The following TBC1D5 variants were observed in gnomAD, a reference collection of about 807,000 sequenced individuals.
TBC1D5 encodes TBC1 domain family member 5, also known as TBC1 domain family, member 5.
Under a neutral mutation model 100.3 loss-of-function variants are expected in TBC1D5, and 75 were observed. That is an observed-to-expected ratio of 0.75 (90% CI 0.62 to 0.91). TBC1D5 has a LOEUF of 0.91. TBC1D5 is among the 40% of genes least tolerant of loss of function. The pLI is 0.00. For synonymous variants in TBC1D5, 323 were observed against 325.6 expected, an observed-to-expected ratio of 0.99 and a Z score of 0.09; for missense variants, 910 against 942.4, an observed-to-expected ratio of 0.97 and a Z score of 0.45.
chr3:17,267,658 A>AC (rs1481792853), intron 15 of TBC1D5, among the ~76,000 whole-genome samples: 5 of 152,088 alleles, frequency 3.3e-5, no homozygotes, highest in African/African-American at 1.2e-4. Flanking sequence ...GAATTTTTGA[A>AC]CCCCCAAGAA....
At chr3:17,424,801 C>A (rs914328858) in intron 4 of TBC1D5, among the ~76,000 whole-genome samples, 4 of 152,040 alleles carry the variant, frequency 2.6e-5, no homozygotes, top group African/African-American at 9.7e-5. Context: ...AAAAAAAAGT[C>A]TATGAGTATT....
intron 13 of TBC1D5, among the ~76,000 whole-genome samples, chr3:17,337,123 GTTTTTT>G (rs11328091): frequency 1.7e-5 from 2 of 116,152 alleles, no homozygotes; most frequent in African/African-American, 3.5e-5. Context: ...TATCTGAGAG[GTTTTTT>G]TTTTTTTTTT....
intron 2 of TBC1D5, among the ~76,000 whole-genome samples, chr3:17,603,627 C>T (rs1419573389): frequency 2.0e-5 from 3 of 152,038 alleles, no homozygotes; most frequent in Non-Finnish European, 2.9e-5. Context: ...ACCAGCAGCC[C>T]CCAGAATCAA....
intron 2 of TBC1D5, among the ~76,000 whole-genome samples, chr3:17,528,707 T>C (rs2096175001): frequency 6.6e-6 from 1 of 152,080 alleles, no homozygotes; most frequent in African/African-American, 2.4e-5. Context: ...TAATATATAC[T>C]CTAGTAAGCA....
At chr3:17,715,337 A>C (rs1314218529) in intron 1 of TBC1D5, among the ~76,000 whole-genome samples, 11 of 152,170 alleles carry the variant, frequency 7.2e-5, no homozygotes, top group Non-Finnish European at 1.5e-5. Context: ...TTTAGAGAGC[A>C]AGGTCTGTGA....
chr3:17,214,285 A>C (rs1253817940), exon 18 of TBC1D5: 2 of 1,613,624 alleles, frequency 1.2e-6, no homozygotes, highest in South Asian at 2.2e-5. Flanking sequence ...TTTTAGTAGC[A>C]GATGAAGGTG....
chr3:17,695,208 G>T (rs11712168), intron 1 of TBC1D5, among the ~76,000 whole-genome samples: 7 of 151,910 alleles, frequency 4.6e-5, no homozygotes, highest in Non-Finnish European at 8.8e-5. Flanking sequence ...AAATAACCAG[G>T]GAACATCATA....
chr3:17,174,279 A>T (rs1468589410), intron 19 of TBC1D5, among the ~76,000 whole-genome samples: 13 of 151,930 alleles, frequency 8.6e-5, no homozygotes, highest in East Asian at 3.9e-4. Flanking sequence ...ACCTGGCACC[A>T]AAGGTGCCAG....
intron 2 of TBC1D5, chr3:17,575,180 T>C (rs921326468): frequency 1.3e-5 from 2 of 151,848 alleles, no homozygotes; most frequent in African/African-American, 4.8e-5. Context: ...TTTTTTTAAT[T>C]AGATGGGCAT....
intron 13 of TBC1D5, among the ~76,000 whole-genome samples, chr3:17,313,968 T>A (rs1029508126): frequency 6.6e-5 from 10 of 152,198 alleles, no homozygotes; most frequent in African/African-American, 2.4e-4. Context: ...TCCGGGGTTA[T>A]CACTGGCCCT....
intron 19 of TBC1D5, 144 bp from the exon 21 acceptor site, chr3:17,167,972 G>T: frequency 3.2e-6 from 2 of 634,010 alleles, no homozygotes; most frequent in Non-Finnish European, 5.6e-6. Flanking sequence ...GCAAACTGCG[G>T]ATGGGGAAGC....
At chr3:17,271,710 T>C (rs1174742417) in intron 15 of TBC1D5, among the ~76,000 whole-genome samples, 1 of 152,186 alleles carries the variant, frequency 6.6e-6, no homozygotes, top group Non-Finnish European at 1.5e-5. Flanking sequence ...CTTCTAGCTT[T>C]TGCCTGTTCA....
At chr3:17,337,375 G>A (rs1379281629) in intron 13 of TBC1D5, 1 of 152,130 alleles carries the variant, frequency 6.6e-6, no homozygotes, top group African/African-American at 2.4e-5. Flanking sequence ...TGGACTAAAA[G>A]AAACTCTGTT....
intron 18 of TBC1D5, among the ~76,000 whole-genome samples, chr3:17,199,256 C>T (rs2071139569): frequency 6.6e-6 from 1 of 152,176 alleles, no homozygotes; most frequent in South Asian, 2.1e-4. Flanking sequence ...TGATTATAGA[C>T]ATTAAGAAAA....
At chr3:17,731,483 C>A (rs970961666) in intron 1 of TBC1D5, among the ~76,000 whole-genome samples, 3 of 126,914 alleles carry the variant, frequency 2.4e-5, no homozygotes, top group East Asian at 4.8e-4. Context: ...TCCAGCCCGG[C>A]GACAAAGCAA....
intron 1 of TBC1D5, among the ~76,000 whole-genome samples, chr3:17,650,031 A>T (rs1157378921): frequency 6.6e-6 from 1 of 152,126 alleles, no homozygotes; most frequent in Non-Finnish European, 1.5e-5. Context: ...TTCTCAGCAA[A>T]CTAACACATG....
chr3:17,269,394 G>C (rs116745813), intron 15 of TBC1D5, among the ~76,000 whole-genome samples: 85 of 152,268 alleles, frequency 5.6e-4, no homozygotes, highest in Non-Finnish European at 1.1e-3. Flanking sequence ...GTAGTGGTCT[G>C]TTCCCTAAGT....
intron 8 of TBC1D5, among the ~76,000 whole-genome samples, chr3:17,385,181 C>G (rs942143182): frequency 2.0e-5 from 3 of 151,898 alleles, no homozygotes; most frequent in African/African-American, 7.3e-5. Flanking sequence ...GTAAGAGCAC[C>G]AAGAACGGTG....
intron 1 of TBC1D5, among the ~76,000 whole-genome samples, chr3:17,629,714 A>T (rs1324037784): frequency 6.6e-6 from 1 of 152,216 alleles, no homozygotes; most frequent in East Asian, 1.9e-4. Flanking sequence ...TAGGCCCCCA[A>T]AAGAAGCTAG....
Sources: gnomAD v4.1 joint callset for allele counts (sites outside exome capture counted in the v4.1 genomes callset) on GRCh38, gnomAD v4.1.1 for gene constraint, MANE v1.5 for transcripts, NCBI Gene and HGNC (gene_info 2026-07-23, HGNC 2026-07-21) for gene names.